The following LDLRAD3 variants were observed in gnomAD, a reference collection of about 807,000 sequenced individuals.
LDLRAD3 encodes low density lipoprotein receptor class A domain containing 3, also known as low-density lipoprotein receptor class A domain-containing protein 3.
Under a neutral mutation model 29.4 loss-of-function variants are expected in LDLRAD3, and 20 were observed. That is an observed-to-expected ratio of 0.68 (90% confidence interval 0.48 to 0.99). The LOEUF (loss-of-function observed/expected upper bound fraction) is 0.99. LDLRAD3 is among the 50% of genes least tolerant of loss of function. The pLI is 0.00. For synonymous variants in LDLRAD3, 157 were observed against 192.7 expected (o/e 0.81, Z 1.53); for missense variants, 420 against 454.3 (o/e 0.92, Z 0.69).
chr11:36,020,256 TAATAATATGAATAAAA>T (rs1369344584), intron 1 of LDLRAD3, among the ~76,000 whole-genome samples: 16 of 152,048 alleles, frequency 1.1e-4, no homozygotes, highest in Non-Finnish European at 8.8e-5. Flanking sequence ...GGAAAGAAAA[TAATAATATGAATAAAA>T]AATAATATGA....
At chr11:36,080,872 T>G (rs1338200581) in intron 2 of LDLRAD3, among the ~76,000 whole-genome samples, 1 of 152,174 alleles carries the variant, frequency 6.6e-6, no homozygotes, top group African/African-American at 2.4e-5. Flanking sequence ...ATGTGGAAGG[T>G]TATCCACCAG....
At chr11:35,987,497 G>T (rs113682391) in intron 1 of LDLRAD3, among the ~76,000 whole-genome samples, 1 of 152,144 alleles carries the variant, frequency 6.6e-6, no homozygotes, top group East Asian at 1.9e-4. Context: ...ACTTATAAAT[G>T]AGAACATACG....
chr11:35,952,995 T>C (rs76967134), intron 1 of LDLRAD3, among the ~76,000 whole-genome samples: 1,701 of 152,278 alleles, frequency 0.011, 55 homozygotes, highest in East Asian at 0.11. Context: ...AAGTAGGCAG[T>C]GATGTCTTGT....
chr11:36,093,516 TA>T (rs1392815772), intron 3 of LDLRAD3, among the ~76,000 whole-genome samples: 2 of 152,094 alleles, frequency 1.3e-5, no homozygotes, highest in African/African-American at 2.4e-5. Flanking sequence ...TAACGTAATA[TA>T]GTACAGTACA....
Position 36,081,637 on chromosome 11 carries a change from CT to C in LDLRAD3, c.194-11del, listed in dbSNP as rs746339429. ...AACATCTCCTGATGTCTTGCTGTTTCTTTTTCTTCCTGCAGCCAAGGCTAAG... is the reference window on the plus strand; with the variant it reads ...AACATCTCCTGATGTCTTGCTGTTTCTTTTCTTCCTGCAGCCAAGGCTAAG... On this transcript the variant is annotated splice_polypyrimidine_tract_variant and intron_variant, in intron 2 of 5. Coordinates refer to ENST00000315571, the MANE Select transcript of LDLRAD3 (RefSeq NM_174902.4). The C allele has an allele frequency of 3.4e-5, 55 of 1,614,078 alleles. No homozygotes were observed. Among genetic ancestry groups the C allele is most frequent in the Non-Finnish European group, 4.3e-5 (51 of 1,180,022 alleles).
At chr11:35,967,005 CT>C in intron 1 of LDLRAD3, 1 of 177,182 alleles carries the variant, frequency 5.6e-6, no homozygotes. Context: ...TGTTTTCTTC[CT>C]TTAGTTCAGA....
chr11:36,217,713 C>T (rs1194106950), intron 4 of LDLRAD3, among the ~76,000 whole-genome samples: 2 of 152,210 alleles, frequency 1.3e-5, no homozygotes, highest in Non-Finnish European at 2.9e-5. Context: ...TTTCTGGAGG[C>T]TCTGAGGGAG....
intron 4 of LDLRAD3, among the ~76,000 whole-genome samples, chr11:36,214,408 T>C (rs1855324991): frequency 6.6e-6 from 1 of 152,194 alleles, no homozygotes; most frequent in Admixed American, 6.5e-5. Context: ...TCCTGCGAGT[T>C]GGTGGATCTC....
intron 1 of LDLRAD3, among the ~76,000 whole-genome samples, chr11:35,981,454 T>G (rs577308329): frequency 6.6e-6 from 1 of 152,252 alleles, no homozygotes; most frequent in South Asian, 2.1e-4. Flanking sequence ...ACAAGAACAA[T>G]GGGGGTGTCC....
chr11:36,058,108 A>C (rs77443540), intron 2 of LDLRAD3, among the ~76,000 whole-genome samples: 4,629 of 152,308 alleles, frequency 0.03, 241 homozygotes, highest in East Asian at 0.13. Flanking sequence ...TGGCTCCCAG[A>C]TTGCACATGA....
chr11:36,022,971 C>T (rs1034067031), intron 1 of LDLRAD3, among the ~76,000 whole-genome samples: 1 of 152,176 alleles, frequency 6.6e-6, no homozygotes, highest in Non-Finnish European at 1.5e-5. Flanking sequence ...TCTAGATGTA[C>T]AAACATCATT....
At chr11:36,139,988 G>C (rs1053515693) in intron 4 of LDLRAD3, among the ~76,000 whole-genome samples, 1 of 152,204 alleles carries the variant, frequency 6.6e-6, no homozygotes, top group African/African-American at 2.4e-5. Flanking sequence ...CATGCTTGGA[G>C]ATGCTCTGGA....
chr11:36,046,928 T>G lies in LDLRAD3; in HGVS notation c.193+10679T>G, dbSNP rs529446391. 2.6e-5 allele frequency among the ~76,000 whole-genome samples: 4 copies of G among 152,376 alleles called. 1 individual carries two copies. In the South Asian group the frequency reaches 8.3e-4, roughly 32 times the overall value. On this transcript the variant is annotated intron_variant, in intron 2 of 5. Coordinates refer to ENST00000315571, the MANE Select transcript of LDLRAD3 (RefSeq NM_174902.4). ...ATATATTTTAAAAGTCAGGTGGATG[T>G]ACTCTTTTTTCTTCTATAATCTGAT...
In LDLRAD3 at chr11:36,097,020, A is replaced by G. The variant is rs185908245; in HGVS notation, c.320-1307A>G. On this transcript the variant is annotated intron_variant, in intron 3 of 5. Coordinates refer to ENST00000315571, the MANE Select transcript of LDLRAD3 (RefSeq NM_174902.4). ...AGGTAAATTGTACTGTAGAAATACT[A>G]GTTTTCTGTGGAGATTTGCTGTTGT... 1.4e-3 allele frequency among the ~76,000 whole-genome samples: 214 copies of G among 152,330 alleles called. 1 individual carries two copies. The highest frequency in any genetic ancestry group is 3.0e-3 in the African/African-American group (125 of 41,574).
intron 4 of LDLRAD3, among the ~76,000 whole-genome samples, chr11:36,203,044 C>T (rs1855150385): frequency 6.6e-6 from 1 of 152,156 alleles, no homozygotes; most frequent in Non-Finnish European, 1.5e-5. Flanking sequence ...TCAAGCGATC[C>T]TCCCTCCTTA....
intron 5 of LDLRAD3, among the ~76,000 whole-genome samples, chr11:36,228,285 G>A (rs567224392): frequency 1.2e-4 from 18 of 152,332 alleles, no homozygotes; most frequent in Admixed American, 3.3e-4. Context: ...GGTCAGGGGA[G>A]AGGATGGCGC....
rs1233655106 is a variant in LDLRAD3 at position 36,231,297 on chromosome 11, A to G, written c.*1900A>G. The G allele has an allele frequency of 6.6e-6, 1 of 152,148 alleles. No individual in the cohort carries two copies. Among genetic ancestry groups the G allele is most frequent in the Non-Finnish European group, 1.5e-5 (1 of 68,018 alleles). The allele number at this position is 152,148 out of a possible 1,614,324, so 9.4% of individuals were successfully genotyped here. A position where few individuals can be genotyped will look rare whatever the true frequency, so the allele number is the denominator to read the frequency against. On this transcript the variant is annotated 3_prime_UTR_variant, in exon 6 of 6. Coordinates refer to ENST00000315571, the MANE Select transcript of LDLRAD3 (RefSeq NM_174902.4). ...ACTGGTATTTTGTTTTGTTTAAAAA[A>G]AAAAAGAAAGAAAGAAAGAAAGAAA...
At position 36,112,505 on chromosome 11, in the gene LDLRAD3, A is replaced by G. The variant is rs541910478; in HGVS notation, c.454+14044A>G. ...GCAACTTCCAGACCGTGCACTCATG[A>G]CCTTTGGAAGGGGCAGCCCTCTGCT... On this transcript the variant is annotated intron_variant, in intron 4 of 5. Transcript: ENST00000315571. Among the ~76,000 whole-genome samples the G allele has an allele frequency of 2.0e-5, 3 of 152,314 alleles. No homozygotes were observed. In the East Asian group the frequency reaches 5.8e-4, roughly 29 times the overall value.
At chr11:36,127,458 A>G (rs2133302145) in intron 4 of LDLRAD3, among the ~76,000 whole-genome samples, 1 of 152,326 alleles carries the variant, frequency 6.6e-6, no homozygotes, top group East Asian at 1.9e-4. Context: ...AAATTGGGGT[A>G]CTAGCCTGTT....
Sources: gnomAD v4.1 joint callset for allele counts (sites outside exome capture counted in the v4.1 genomes callset) on GRCh38, gnomAD v4.1.1 for gene constraint, MANE v1.5 for transcripts, NCBI Gene and HGNC (gene_info 2026-07-23, HGNC 2026-07-21) for gene names.